Variants in FIGLA observed in about 807,000 individuals in gnomAD.
FIGLA encodes the protein folliculogenesis specific bHLH transcription factor.
In FIGLA, 17 loss-of-function variants were observed where a neutral mutation model predicts 21.5. The observed-to-expected ratio is 0.79, with a 90% CI of 0.54 to 1.19. FIGLA has a LOEUF of 1.19. FIGLA is among the 50% of genes most tolerant of loss of function. The pLI is 0.00. For missense variants in FIGLA, 282 were observed against 285.0 expected, an observed-to-expected ratio of 0.99 and a Z score of 0.08; for synonymous variants, 129 against 117.6, an observed-to-expected ratio of 1.10 and a Z score of -0.63.
At chr2:70,781,049 G>C (rs1675847056) in intron 3 of FIGLA, among the ~76,000 whole-genome samples, 1 of 152,210 alleles carries the variant, frequency 6.6e-6, no homozygotes, top group African/African-American at 2.4e-5. Context: ...GCATGGAGTA[G>C]AGAAACCTGA....
At chr2:70,777,616 T>TGA (rs1675782852) in intron 4 of FIGLA, 21 bp downstream of exon 4, 1 of 1,601,592 alleles carries the variant, frequency 6.2e-7, no homozygotes, top group Non-Finnish European at 8.5e-7. Flanking sequence ...GCACTATGCA[T>TGA]CAGGTTATAG....
rs544825280 is a variant in FIGLA at position 70,789,794 on chromosome 2, C to T, written c.231+614G>A. On this transcript the variant is annotated intron_variant, in intron 1 of 4. Coordinates refer to ENST00000332372, the MANE Select transcript of FIGLA (RefSeq NM_001004311.3). Reference sequence around the variant, plus strand: ...CTACCAGCAGGTGCCGCTCCAACCACGGCCCACAGGACCCTTCCCGTTTGC... The same window carrying T: ...CTACCAGCAGGTGCCGCTCCAACCATGGCCCACAGGACCCTTCCCGTTTGC... Among the ~76,000 whole-genome samples the T allele has an allele frequency of 1.8e-4, 27 of 152,332 alleles. 1 individual carries two copies. The East Asian group carries it at 5.2e-3, about 29-fold the overall frequency.
chr2:70,780,776 G>A (rs1306737110), intron 3 of FIGLA, among the ~76,000 whole-genome samples: 2 of 152,158 alleles, frequency 1.3e-5, no homozygotes, highest in Admixed American at 1.3e-4. Context: ...GTCACAGTTA[G>A]GTAGTGAGAA....
At chr2:70,784,269 G>A (rs928319145) in intron 3 of FIGLA, among the ~76,000 whole-genome samples, 3 of 151,900 alleles carry the variant, frequency 2.0e-5, no homozygotes, top group African/African-American at 7.2e-5. Flanking sequence ...GCACAACATT[G>A]GTGAGAGCCA....
chr2:70,788,035 G>T (rs1462212447), intron 1 of FIGLA, among the ~76,000 whole-genome samples: 1 of 152,200 alleles, frequency 6.6e-6, no homozygotes, highest in Admixed American at 6.5e-5. Context: ...TCATGTTCAT[G>T]CTGAGCTCAC....
chr2:70,790,303 G>T, intron 1 of FIGLA, 105 bp downstream of exon 1: 2 of 1,237,190 alleles, frequency 1.6e-6, no homozygotes, highest in Non-Finnish European at 2.1e-6. Context: ...GCTCGAAGTC[G>T]CCTCGAGCGG....
chr2:70,784,762 A>C (rs1422649606), intron 3 of FIGLA, among the ~76,000 whole-genome samples: 4 of 152,174 alleles, frequency 2.6e-5, no homozygotes, highest in Non-Finnish European at 4.4e-5. Flanking sequence ...GCAGAGTAGG[A>C]TAGAGCAGGG....
chr2:70,779,488 A>C (rs568142687), intron 3 of FIGLA, among the ~76,000 whole-genome samples: 1 of 152,302 alleles, frequency 6.6e-6, no homozygotes, highest in South Asian at 2.1e-4. Flanking sequence ...ATTCATCCCA[A>C]CTAGCCAAAC....
At chr2:70,784,235 A>G (rs575182138) in intron 3 of FIGLA, among the ~76,000 whole-genome samples, 1 of 152,032 alleles carries the variant, frequency 6.6e-6, no homozygotes, top group East Asian at 1.9e-4. Flanking sequence ...AGCCAGCAGG[A>G]AGCCTGTAGG....
At position 70,790,497 on chromosome 2, in the gene FIGLA, G is replaced by A; in HGVS notation, c.142C>T (p.Arg48Trp). The A allele has an allele frequency of 1.3e-6, 2 of 1,543,106 alleles. No individual in the cohort carries two copies. The highest frequency in any genetic ancestry group is 1.7e-6 in the Non-Finnish European group (2 of 1,146,378). The change falls in exon 1 of 5, where the codon CGG becomes TGG. Residue 48 changes from arginine (R) to tryptophan (W), a missense_variant. By Grantham distance (101) the Arg-to-Trp change is moderately radical. Coordinates refer to ENST00000332372, the MANE Select transcript of FIGLA (RefSeq NM_001004311.3). The stretch of plus-strand genomic sequence containing the variant: ...GACGAGTAGCCGCCCGAGGGCAGCC[G>A]CTTGAGCCGGCAGACAGCGGCCAGC... ...PQLAAVCRLK[R>W]LPSGGYSSTE...
intron 3 of FIGLA, among the ~76,000 whole-genome samples, chr2:70,783,700 A>ATTT (rs140083581): frequency 2.8e-5 from 4 of 141,708 alleles, no homozygotes; most frequent in African/African-American, 7.8e-5. Context: ...AGCTCAGGTC[A>ATTT]TTTTTTTTTT....
At chr2:70,781,483 G>A (rs1357101021) in intron 3 of FIGLA, among the ~76,000 whole-genome samples, 1 of 152,188 alleles carries the variant, frequency 6.6e-6, no homozygotes, top group African/African-American at 2.4e-5. Flanking sequence ...ATAATCCACT[G>A]AATTAAACAG....
At chr2:70,779,436 A>T (rs1210832186) in intron 3 of FIGLA, among the ~76,000 whole-genome samples, 6 of 152,214 alleles carry the variant, frequency 3.9e-5, no homozygotes, top group Admixed American at 1.3e-4. Flanking sequence ...GAGGTGGAAG[A>T]CAGAAGAAAG....
intron 2 of FIGLA, among the ~76,000 whole-genome samples, chr2:70,786,444 C>T (rs2104601408): frequency 6.6e-6 from 1 of 151,364 alleles, no homozygotes; most frequent in South Asian, 2.1e-4. Flanking sequence ...GCTGGGACTA[C>T]CGGCGCCTGC....
intron 1 of FIGLA, among the ~76,000 whole-genome samples, chr2:70,789,553 G>C (rs969386962): frequency 2.0e-5 from 3 of 152,142 alleles, no homozygotes; most frequent in African/African-American, 7.2e-5. Context: ...GCTCCTACTT[G>C]ATTCACTGGG....
In FIGLA at chr2:70,787,719, T is replaced by A; in HGVS notation, c.314A>T (p.Asp105Val). 2 of 1,611,086 alleles carry A rather than the reference T, an allele frequency of 1.2e-6. No homozygotes were observed. The highest frequency in any genetic ancestry group is 1.7e-6 in the Non-Finnish European group (2 of 1,178,818). ...ATATTCAGTCGCACCTTTAAGGATA[T>A]CAACTTTGCTGGGCTTCCTGCTTTG... ...LPQSRKPSKV[D>V]ILKGATEYIQ... is the part of the protein sequence containing the mutation. The change falls in exon 2 of 5, where the codon GAT (aspartate) becomes GTT (valine). Residue 105 changes from aspartate to valine, a missense_variant. Physicochemically the swap from Asp to Val is radical, Grantham distance 152. Coordinates refer to ENST00000332372, the MANE Select transcript of FIGLA (RefSeq NM_001004311.3).
At chr2:70,785,661 C>G in intron 2 of FIGLA, 22 bp from the exon 3 acceptor site, 1 of 1,565,702 alleles carries the variant, frequency 6.4e-7, no homozygotes, top group Non-Finnish European at 8.8e-7. Context: ...ATTTAGTTGT[C>G]AAACAGTATA....
chr2:70,779,627 T>C (rs1553388848), intron 3 of FIGLA, among the ~76,000 whole-genome samples: 1 of 152,156 alleles, frequency 6.6e-6, no homozygotes, highest in African/African-American at 2.4e-5. Context: ...TCTCAGAAAC[T>C]CTTTCAAGGA....
At chr2:70,790,274 G>A in intron 1 of FIGLA, 134 bp downstream of exon 1, 1 of 777,542 alleles carries the variant, frequency 1.3e-6, no homozygotes, top group Non-Finnish European at 1.9e-6. Flanking sequence ...ACAAGCTGGG[G>A]GCGTGGGAGG....
Sources: allele counts gnomAD v4.1 joint callset (sites outside exome capture counted in the v4.1 genomes callset), GRCh38; gene constraint gnomAD v4.1.1; transcripts MANE v1.5; gene names NCBI Gene and HGNC (gene_info 2026-07-23, HGNC 2026-07-21).